The following TMTC1 variants were observed in gnomAD, a reference collection of about 807,000 sequenced individuals.
The protein encoded by TMTC1 is transmembrane O-mannosyltransferase targeting cadherins 1.
TMTC1 carries 73 observed loss-of-function variants against 104.8 expected under a neutral mutation model. The ratio of observed to expected loss-of-function variants is 0.70; its 90% CI spans 0.58 to 0.85. TMTC1 has a LOEUF of 0.85. Among genes scored for constraint, TMTC1 ranks in the 40% least tolerant of loss-of-function variants. TMTC1 has a pLI of 0.00. For synonymous variants in TMTC1, 434 were observed against 428.7 expected (o/e 1.01, Z -0.15); for missense variants, 1,035 against 1,096.1 (o/e 0.94, Z 0.79).
chr12:29,683,034 C>T (rs1940973568), intron 5 of TMTC1, among the ~76,000 whole-genome samples: 1 of 152,114 alleles, frequency 6.6e-6, no homozygotes, highest in Non-Finnish European at 1.5e-5. Flanking sequence ...ATAAAATAAA[C>T]AAATTTTCTT....
intron 7 of TMTC1, among the ~76,000 whole-genome samples, chr12:29,596,332 A>G (rs576237657): frequency 6.6e-6 from 1 of 151,828 alleles, no homozygotes; most frequent in Non-Finnish European, 1.5e-5. Context: ...CGTTACCCAA[A>G]CTTTGGATTT....
chr12:29,548,994 T>C (rs1295259968), intron 10 of TMTC1, among the ~76,000 whole-genome samples: 1 of 145,050 alleles, frequency 6.9e-6, no homozygotes, highest in Non-Finnish European at 1.5e-5. Context: ...TTAAATTAAA[T>C]ATATAAATTA....
intron 1 of TMTC1, among the ~76,000 whole-genome samples, chr12:29,775,181 G>C (rs2120604950): frequency 6.6e-6 from 1 of 152,144 alleles, no homozygotes. Context: ...ACAGACCAAG[G>C]CCAAATATTT....
chr12:29,614,099 C>T (rs772194884), intron 6 of TMTC1: 17 of 167,900 alleles, frequency 1.0e-4, no homozygotes, highest in African/African-American at 3.1e-4. Flanking sequence ...TATCAAACTA[C>T]GGAGATATGT....
chr12:29,565,829 A>G (rs1329654634), intron 9 of TMTC1, among the ~76,000 whole-genome samples: 2 of 152,202 alleles, frequency 1.3e-5, no homozygotes, highest in Non-Finnish European at 2.9e-5. Flanking sequence ...CTTGGGCAAC[A>G]GGAGTGAGAC....
intron 5 of TMTC1, among the ~76,000 whole-genome samples, chr12:29,746,970 T>C (rs1418681862): frequency 6.6e-6 from 1 of 152,164 alleles, no homozygotes; most frequent in Non-Finnish European, 1.5e-5. Context: ...AGGTGCTCAG[T>C]AAACAGTATT....
At position 29,501,915 on chromosome 12, in the gene TMTC1, TG is replaced by T; in HGVS notation, c.*4930del. On this transcript the variant is annotated 3_prime_UTR_variant, in exon 18 of 18. Coordinates refer to ENST00000539277, the MANE Select transcript of TMTC1 (RefSeq NM_001193451.2). ...CATACTTTTGATTGCAGTTATTTTC[TG>T]TTCTCTTTAAATTACATGGCTACAA... 6.6e-6 allele frequency: 1 copy of T among 152,248 alleles called. No homozygotes were observed. The highest frequency in any genetic ancestry group is 1.5e-5 in the Non-Finnish European group (1 of 68,046). 9.4% of individuals were successfully genotyped at this position (152,248 alleles called of 1,614,324 possible).
intron 5 of TMTC1, among the ~76,000 whole-genome samples, chr12:29,686,011 C>T (rs80072864): frequency 0.013 from 1,935 of 151,848 alleles, 30 homozygotes; most frequent in African/African-American, 0.044. Flanking sequence ...CATTCCCACA[C>T]TCAACAGTTT....
chr12:29,782,173 T>A (rs1466888969), intron 1 of TMTC1, among the ~76,000 whole-genome samples: 1 of 152,278 alleles, frequency 6.6e-6, no homozygotes, highest in East Asian at 1.9e-4. Context: ...GCCAAGGTTA[T>A]CTTTCAGTAG....
rs916618127 is a variant in TMTC1, at chr12:29,564,126, T to C, written c.1533-7126A>G. On this transcript the variant is annotated intron_variant, in intron 9 of 17. Coordinates refer to ENST00000539277, the MANE Select transcript of TMTC1 (RefSeq NM_001193451.2). The stretch of plus-strand genomic sequence containing the variant: ...GAAACTGAAAGGATTTTATTCTGGC[T>C]GAAGCAGAGAATGGAAAGGAGGAAA... 5.3e-5 allele frequency among the ~76,000 whole-genome samples: 8 copies of C among 152,294 alleles called. No homozygotes were observed. The Middle Eastern group carries it at 0.01, about 194-fold the overall frequency.
At chr12:29,700,902 G>T (rs12302258) in intron 5 of TMTC1, among the ~76,000 whole-genome samples, 1 of 152,040 alleles carries the variant, frequency 6.6e-6, no homozygotes, top group Admixed American at 6.5e-5. Flanking sequence ...ACTCATTGTC[G>T]TGACAAGAAA....
At chr12:29,665,454 G>A (rs1279894509) in intron 5 of TMTC1, among the ~76,000 whole-genome samples, 1 of 152,090 alleles carries the variant, frequency 6.6e-6, no homozygotes, top group Admixed American at 6.6e-5. Flanking sequence ...TCAAATAAAG[G>A]TCAAGTTTAC....
intron 5 of TMTC1, among the ~76,000 whole-genome samples, chr12:29,667,676 T>G (rs999180796): frequency 7.2e-5 from 11 of 152,210 alleles, no homozygotes; most frequent in African/African-American, 2.7e-4. Context: ...CTTCATCAAT[T>G]TACTTAGAGG....
At chr12:29,588,091 T>C (rs1946187022) in intron 7 of TMTC1, among the ~76,000 whole-genome samples, 1 of 152,100 alleles carries the variant, frequency 6.6e-6, no homozygotes, top group Admixed American at 6.6e-5. Flanking sequence ...AGTTTAGGGT[T>C]CATGGTTTGG....
At chr12:29,710,984 TA>T (rs1262741306) in intron 5 of TMTC1, among the ~76,000 whole-genome samples, 12 of 55,458 alleles carry the variant, frequency 2.2e-4, no homozygotes, top group African/African-American at 4.8e-4. Flanking sequence ...TAAATATATA[TA>T]TATTTTTTCC....
chr12:29,766,087 CTATTACT>C (rs1943456999), intron 2 of TMTC1, among the ~76,000 whole-genome samples: 1 of 152,174 alleles, frequency 6.6e-6, no homozygotes, highest in South Asian at 2.1e-4. Context: ...CACCAAAGGA[CTATTACT>C]TATGCCTCAT....
At chr12:29,606,587 C>A (rs756761937) in intron 6 of TMTC1, among the ~76,000 whole-genome samples, 1 of 152,168 alleles carries the variant, frequency 6.6e-6, no homozygotes, top group Admixed American at 6.5e-5. Flanking sequence ...AAATTATTCA[C>A]GTCTTCCCAA....
chr12:29,566,864 T>A (rs1945530635), intron 9 of TMTC1, among the ~76,000 whole-genome samples: 1 of 152,216 alleles, frequency 6.6e-6, no homozygotes, highest in Non-Finnish European at 1.5e-5. Flanking sequence ...TATTTACTTA[T>A]ACAAGAAATC....
chr12:29,607,850 G>A (rs1946743520), intron 6 of TMTC1, among the ~76,000 whole-genome samples: 2 of 152,146 alleles, frequency 1.3e-5, no homozygotes, highest in South Asian at 4.1e-4. Context: ...TTGAAAACCT[G>A]AAGTCCATTT....
Sources: allele counts gnomAD v4.1 joint callset (sites outside exome capture counted in the v4.1 genomes callset), GRCh38; gene constraint gnomAD v4.1.1; transcripts MANE v1.5; gene names NCBI Gene and HGNC (gene_info 2026-07-23, HGNC 2026-07-21).